HDAC9: variants seen among roughly 807,000 people sequenced by gnomAD.
The protein encoded by HDAC9 is histone deacetylase 9.
A neutral mutation model predicts 139.4 loss-of-function variants in HDAC9; 41 were observed. That is an observed-to-expected ratio of 0.29 (90% CI 0.23 to 0.38). The LOEUF (loss-of-function observed/expected upper bound fraction) is 0.38. HDAC9 is among the 10% of genes least tolerant of loss of function. The probability of loss-of-function intolerance (pLI) is 1.00; values close to 1 mark genes in which losing one functional copy is unlikely to be tolerated. For synonymous variants in HDAC9, 517 were observed against 476.2 expected, an observed-to-expected ratio of 1.09 and a Z score of -1.12; for missense variants, 1,147 against 1,297.0, an observed-to-expected ratio of 0.88 and a Z score of 1.78.
chr7:18,208,589 T>C (rs977515767), intron 2 of HDAC9, among the ~76,000 whole-genome samples: 1 of 152,164 alleles, frequency 6.6e-6, no homozygotes. Flanking sequence ...TTGGCCAGGC[T>C]GGTCTCCAAC....
intron 16 of HDAC9, among the ~76,000 whole-genome samples, chr7:18,769,678 A>C (rs73683404): frequency 1.3e-5 from 2 of 152,058 alleles, no homozygotes; most frequent in African/African-American, 4.8e-5. Context: ...TTGCCCTCTC[A>C]GATTTTTGGT....
chr7:18,656,930 A>G (rs1791407606), intron 11 of HDAC9, among the ~76,000 whole-genome samples: 3 of 151,978 alleles, frequency 2.0e-5, no homozygotes, highest in African/African-American at 7.3e-5. Context: ...CCCTTTCTCC[A>G]CGTGCTCACC....
intron 8 of HDAC9, among the ~76,000 whole-genome samples, chr7:18,641,885 A>G (rs954829609): frequency 3.3e-5 from 5 of 152,094 alleles, no homozygotes; most frequent in East Asian, 1.9e-4. Flanking sequence ...AGTGTAGACT[A>G]TGGCTCCAGG....
intron 16 of HDAC9, among the ~76,000 whole-genome samples, chr7:18,786,505 C>CATT (rs1791762180): frequency 5.6e-5 from 7 of 125,258 alleles, no homozygotes; most frequent in African/African-American, 2.2e-4. Context: ...TTCCTTCCTT[C>CATT]CTCTCTCTCA....
chr7:18,887,285 C>A (rs749511085), intron 22 of HDAC9, among the ~76,000 whole-genome samples: 5 of 152,156 alleles, frequency 3.3e-5, no homozygotes, highest in Non-Finnish European at 7.3e-5. Context: ...GGAGAGGGTA[C>A]TGCAATTGGC....
intron 16 of HDAC9, among the ~76,000 whole-genome samples, chr7:18,792,363 T>C (rs1405806379): frequency 3.3e-5 from 5 of 152,008 alleles, no homozygotes; most frequent in Non-Finnish European, 7.4e-5. Context: ...TTGTATTCTA[T>C]TTCCTGGTGC....
At position 18,794,440 on chromosome 7, in the gene HDAC9, G is replaced by A. The variant is rs558443102; in HGVS notation, c.2322+988G>A. ...AGGAATGTGCACTTCACAATGCAAC[G>A]TTTGTCCAAGAAGTCTTTACTCTTA... On this transcript the variant is annotated intron_variant, in intron 17 of 25. Coordinates refer to ENST00000686413, the MANE Select transcript of HDAC9 (RefSeq NM_178425.4). Among the ~76,000 whole-genome samples, 6 of 152,270 alleles carry A rather than the reference G, an allele frequency of 3.9e-5. No individual in the cohort carries two copies. The South Asian group carries it at 1.2e-3, about 32-fold the overall frequency.
chr7:18,708,443 A>G (rs538035090), intron 12 of HDAC9, among the ~76,000 whole-genome samples: 4 of 152,248 alleles, frequency 2.6e-5, no homozygotes, highest in Non-Finnish European at 5.9e-5. Flanking sequence ...GACAAAGCAA[A>G]TAGTGAGACT....
At chr7:18,584,498 T>C (rs1436208988) in intron 2 of HDAC9, among the ~76,000 whole-genome samples, 2 of 152,248 alleles carry the variant, frequency 1.3e-5, no homozygotes, top group African/African-American at 4.8e-5. Flanking sequence ...ATTTAATTTG[T>C]ATAAATTTAA....
At chr7:18,936,251 G>A (rs550312401) in intron 23 of HDAC9, among the ~76,000 whole-genome samples, 1 of 151,952 alleles carries the variant, frequency 6.6e-6, no homozygotes, top group East Asian at 1.9e-4. Context: ...TTTAAAAAAT[G>A]TCTGGAGGTT....
chr7:18,793,743 T>G (rs570267607), intron 17 of HDAC9, among the ~76,000 whole-genome samples: 8 of 152,252 alleles, frequency 5.3e-5, no homozygotes, highest in African/African-American at 1.9e-4. Flanking sequence ...AAAAATACCT[T>G]TAGTATATAC....
chr7:18,907,649 C>T (rs530480199), intron 22 of HDAC9, among the ~76,000 whole-genome samples: 77 of 152,248 alleles, frequency 5.1e-4, no homozygotes, highest in African/African-American at 1.8e-3. Context: ...CAAAGGTGGA[C>T]CTATAATCCT....
At chr7:18,189,043 T>G (rs917819397) in intron 2 of HDAC9, among the ~76,000 whole-genome samples, 2 of 152,114 alleles carry the variant, frequency 1.3e-5, no homozygotes, top group African/African-American at 4.8e-5. Context: ...CAAATGTACA[T>G]GTATGTTTAT....
chr7:18,509,710 C>G (rs1471902039), intron 2 of HDAC9, among the ~76,000 whole-genome samples: 4 of 152,154 alleles, frequency 2.6e-5, no homozygotes, highest in Non-Finnish European at 4.4e-5. Flanking sequence ...GATTTCCCCT[C>G]ACCTCTGTAA....
chr7:18,340,768 A>G (rs1333171431), intron 1 of HDAC9, among the ~76,000 whole-genome samples: 1 of 151,626 alleles, frequency 6.6e-6, no homozygotes, highest in Non-Finnish European at 1.5e-5. Flanking sequence ...AGATATTTAA[A>G]TAATTAAAAA....
At chr7:18,300,507 C>A (rs1273306896) in intron 1 of HDAC9, among the ~76,000 whole-genome samples, 1 of 151,506 alleles carries the variant, frequency 6.6e-6, no homozygotes, top group Non-Finnish European at 1.5e-5. Flanking sequence ...AATGCCTAGT[C>A]TCTGCATATA....
intron 1 of HDAC9, among the ~76,000 whole-genome samples, chr7:18,438,364 T>A (rs543384097): frequency 3.3e-5 from 5 of 152,244 alleles, no homozygotes; most frequent in African/African-American, 1.2e-4. Flanking sequence ...CTGGGCACTC[T>A]GATATACTAT....
intron 11 of HDAC9, among the ~76,000 whole-genome samples, chr7:18,659,133 TA>T (rs1792327671): frequency 6.6e-6 from 1 of 152,156 alleles, no homozygotes; most frequent in African/African-American, 2.4e-5. Context: ...TCTTAGTTGA[TA>T]TTTTGTATCT....
At chr7:18,242,509 A>G (rs1429790521) in intron 2 of HDAC9, among the ~76,000 whole-genome samples, 1 of 152,010 alleles carries the variant, frequency 6.6e-6, no homozygotes, top group South Asian at 2.1e-4. Context: ...TTCTCAGTCA[A>G]TTTTTCTGGT....
Sources: gnomAD v4.1 joint callset for allele counts (sites outside exome capture counted in the v4.1 genomes callset) on GRCh38, gnomAD v4.1.1 for gene constraint, MANE v1.5 for transcripts, NCBI Gene and HGNC (gene_info 2026-07-23, HGNC 2026-07-21) for gene names.